The following BMPER variants were observed in gnomAD, a reference collection of about 807,000 sequenced individuals.
BMPER encodes BMP binding endothelial regulator.
In BMPER, 45 loss-of-function variants were observed where a neutral mutation model predicts 87.3. The observed-to-expected ratio is 0.52, with a 90% confidence interval of 0.41 to 0.66. The LOEUF (loss-of-function observed/expected upper bound fraction) is 0.66. BMPER is among the 30% of genes least tolerant of loss of function. The probability of loss-of-function intolerance (pLI) is 0.00; values close to 1 mark genes in which losing one functional copy is unlikely to be tolerated. For missense variants in BMPER, 784 were observed against 867.5 expected (o/e 0.90, Z 1.21); for synonymous variants, 326 against 316.2 (o/e 1.03, Z -0.33).
At position 33,944,620 on chromosome 7, in the gene BMPER, TATC is replaced by T. The variant is rs1441072467; in HGVS notation, c.319+7236_319+7238del. Among the ~76,000 whole-genome samples, 7 of 152,238 alleles carry T rather than the reference TATC, an allele frequency of 4.6e-5. No homozygotes were observed. In the South Asian group the frequency reaches 8.3e-4, roughly 18 times the overall value. ...GAAAGTAAGAGAGAAGAAGGCATGT[TATC>T]ATCTCATTTTTTTCTTGGTTAGTCT... On this transcript the variant is annotated intron_variant, in intron 3 of 14. Transcript: ENST00000649409.
chr7:34,087,463 C>T (rs1341425285), intron 13 of BMPER, among the ~76,000 whole-genome samples: 2 of 152,160 alleles, frequency 1.3e-5, no homozygotes, highest in African/African-American at 2.4e-5. Flanking sequence ...CAAAATCCAG[C>T]CCAGCTATGC....
At chr7:33,939,676 C>T (rs913542434) in intron 3 of BMPER, among the ~76,000 whole-genome samples, 1 of 152,098 alleles carries the variant, frequency 6.6e-6, no homozygotes, top group Admixed American at 6.6e-5. Context: ...GGGGCTCTTC[C>T]CCCTTTGCTT....
chr7:34,084,061 C>T (rs375595541), intron 12 of BMPER, among the ~76,000 whole-genome samples: 3 of 150,180 alleles, frequency 2.0e-5, no homozygotes, highest in South Asian at 2.1e-4. Context: ...CCCAGTGTTT[C>T]GGGAAGCCAA....
chr7:34,033,383 A>G (rs1181287436), intron 6 of BMPER, among the ~76,000 whole-genome samples: 1 of 152,164 alleles, frequency 6.6e-6, no homozygotes, highest in African/African-American at 2.4e-5. Context: ...TGTTTATATC[A>G]GTTCTCTGAA....
chr7:34,072,720 T>C (rs972142586), intron 11 of BMPER, among the ~76,000 whole-genome samples: 1 of 152,162 alleles, frequency 6.6e-6, no homozygotes, highest in African/African-American at 2.4e-5. Flanking sequence ...CATTAGGAGG[T>C]GGACATGTTT....
At chr7:34,103,245 G>A (rs1176803791) in intron 13 of BMPER, among the ~76,000 whole-genome samples, 1 of 152,156 alleles carries the variant, frequency 6.6e-6, no homozygotes, top group East Asian at 1.9e-4. Flanking sequence ...AGAATGAGCT[G>A]TGCCCTTATT....
intron 10 of BMPER, among the ~76,000 whole-genome samples, chr7:34,060,960 A>G (rs1245900162): frequency 6.6e-6 from 1 of 152,258 alleles, no homozygotes; most frequent in Admixed American, 6.5e-5. Flanking sequence ...CTTTAGGGTC[A>G]GACAAAATTA....
intron 2 of BMPER, 145 bp from the exon 3 acceptor site, chr7:33,937,144 G>C: frequency 1.2e-6 from 1 of 809,608 alleles, no homozygotes; most frequent in East Asian, 2.7e-5. Flanking sequence ...TTCAGAGATG[G>C]CAAAATCCTA....
chr7:33,928,922 G>T lies in BMPER; in HGVS notation c.220-8367G>T, dbSNP rs34004279. On this transcript the variant is annotated intron_variant, in intron 2 of 14. Transcript: ENST00000649409. ...ATGGGTACTAAAAGACACGATTCTGGCCAGACAGAACCTCAGGGGGTCTTA... is the reference window on the plus strand; with the variant it reads ...ATGGGTACTAAAAGACACGATTCTGTCCAGACAGAACCTCAGGGGGTCTTA... 1.3e-3 allele frequency among the ~76,000 whole-genome samples: 195 copies of T among 152,210 alleles called. 1 individual carries two copies. The highest frequency in any genetic ancestry group is 2.3e-3 in the Non-Finnish European group (155 of 68,014).
chr7:34,069,452 C>G (rs1444064703), intron 11 of BMPER, among the ~76,000 whole-genome samples: 1 of 152,218 alleles, frequency 6.6e-6, no homozygotes, highest in East Asian at 1.9e-4. Context: ...CCATATCAGT[C>G]AGGTATTGTG....
intron 13 of BMPER, among the ~76,000 whole-genome samples, chr7:34,092,492 A>T (rs1042658003): frequency 7.2e-5 from 11 of 152,144 alleles, no homozygotes; most frequent in African/African-American, 2.4e-5. Context: ...TGGACCTCCA[A>T]TGGGGTGATT....
intron 6 of BMPER, among the ~76,000 whole-genome samples, chr7:34,008,315 A>G (rs560614279): frequency 8.6e-5 from 13 of 151,884 alleles, no homozygotes; most frequent in Non-Finnish European, 1.5e-4. Context: ...ACATTTCTCA[A>G]TTTGTCACTG....
chr7:34,093,880 A>C (rs1212878527), intron 13 of BMPER, among the ~76,000 whole-genome samples: 1 of 152,060 alleles, frequency 6.6e-6, no homozygotes, highest in Admixed American at 6.5e-5. Flanking sequence ...GGTGTAACTT[A>C]ATTATATTTT....
intron 6 of BMPER, among the ~76,000 whole-genome samples, chr7:33,979,179 G>A (rs1456796632): frequency 6.6e-5 from 10 of 151,886 alleles, no homozygotes; most frequent in Non-Finnish European, 7.4e-5. Context: ...ATGCATACAC[G>A]CATATGCATA....
In BMPER at chr7:34,051,755, C is replaced by T. The variant is rs184724816; in HGVS notation, c.677-106C>T. On this transcript the variant is annotated intron_variant, in intron 7 of 14. Transcript: ENST00000649409. ...ACTCTATTTTTGTGCTCCAGACTTA[C>T]GTGGTCTTATAAGAATGTATAATGG... 75 of 967,726 alleles carry T rather than the reference C, an allele frequency of 7.8e-5. No homozygotes were observed. In the African/African-American group the frequency reaches 9.1e-4, roughly 12 times the overall value. 59.9% of individuals were successfully genotyped at this position (967,726 alleles called of 1,614,324 possible).
At chr7:34,106,252 T>A (rs923604594) in intron 13 of BMPER, among the ~76,000 whole-genome samples, 2 of 152,228 alleles carry the variant, frequency 1.3e-5, no homozygotes, top group African/African-American at 2.4e-5. Context: ...TAATTAGGCA[T>A]GATTGATTTC....
chr7:34,069,228 G>A (rs1788677080), intron 11 of BMPER, among the ~76,000 whole-genome samples: 1 of 152,070 alleles, frequency 6.6e-6, no homozygotes, highest in Admixed American at 6.6e-5. Flanking sequence ...CAAAACAAAT[G>A]AACAATAGAA....
chr7:34,116,674 A>G (rs1339130438), intron 13 of BMPER, among the ~76,000 whole-genome samples: 3 of 152,344 alleles, frequency 2.0e-5, no homozygotes, highest in East Asian at 3.9e-4. Flanking sequence ...ACAATAAACA[A>G]TCAAACAACA....
intron 6 of BMPER, among the ~76,000 whole-genome samples, chr7:33,988,899 A>G (rs939309652): frequency 1.8e-4 from 23 of 127,978 alleles, no homozygotes; most frequent in Non-Finnish European, 3.1e-4. Flanking sequence ...GTTTACTGAG[A>G]ATGATGATTT....
Sources: allele counts gnomAD v4.1 joint callset (sites outside exome capture counted in the v4.1 genomes callset), GRCh38; gene constraint gnomAD v4.1.1; transcripts MANE v1.5; gene names NCBI Gene and HGNC (gene_info 2026-07-23, HGNC 2026-07-21).